Variants in ITPRID1 observed in about 807,000 individuals in gnomAD.
ITPRID1 encodes protein ITPRID1.
A neutral mutation model predicts 95.4 loss-of-function variants in ITPRID1; 96 were observed. The observed-to-expected ratio is 1.01, with a 90% confidence interval of 0.85 to 1.19. ITPRID1 has a LOEUF of 1.19. Among genes scored for constraint, ITPRID1 ranks in the 50% most tolerant of loss-of-function variants. ITPRID1 has a pLI of 0.00. For synonymous variants in ITPRID1, 510 were observed against 453.6 expected (o/e 1.12, Z -1.58); for missense variants, 1,339 against 1,252.9 (o/e 1.07, Z -1.04).
At chr7:31,586,700 T>C (rs1341618833) in intron 10 of ITPRID1, among the ~76,000 whole-genome samples, 1 of 152,172 alleles carries the variant, frequency 6.6e-6, no homozygotes, top group African/African-American at 2.4e-5. Context: ...TGTTTTTTTC[T>C]TGTAAATTTG....
In ITPRID1 at chr7:31,578,319, T is replaced by C. The variant is rs1441288650; in HGVS notation, c.1055T>C (p.Val352Ala). ...MPAKQAPPSC[V>A]SEGSVKGRTQ... is the part of the protein sequence containing the mutation. ...GCCAAGCAGGCTCCTCCTTCCTGTGTGTCTGAGGGGTCAGTCAAGGGCAGA... is the reference window on the plus strand; with the variant it reads ...GCCAAGCAGGCTCCTCCTTCCTGTGCGTCTGAGGGGTCAGTCAAGGGCAGA... The change falls in exon 9 of 15, where the codon GTG (valine) becomes GCG (alanine). Residue 352 changes from valine (V) to alanine (A), a missense_variant. Coordinates refer to ENST00000615280, the MANE Select transcript of ITPRID1 (RefSeq NM_001257967.3). The C allele has an allele frequency of 2.5e-6, 4 of 1,613,880 alleles. No individual in the cohort carries two copies. The highest frequency in any genetic ancestry group is 3.4e-6 in the Non-Finnish European group (4 of 1,179,840).
chr7:31,650,518 C>T (rs1408506829), intron 12 of ITPRID1, among the ~76,000 whole-genome samples: 6 of 152,162 alleles, frequency 3.9e-5, no homozygotes, highest in East Asian at 3.9e-4. Context: ...GGATTAAAAG[C>T]GTAGACAAAG....
chr7:31,565,610 T>C (rs954267106), intron 5 of ITPRID1, among the ~76,000 whole-genome samples: 12 of 152,100 alleles, frequency 7.9e-5, no homozygotes, highest in Non-Finnish European at 1.5e-4. Flanking sequence ...TTGTGGCACA[T>C]GCTTGTAATC....
chr7:31,539,025 T>G (rs1242252244), intron 1 of ITPRID1, among the ~76,000 whole-genome samples: 1 of 152,216 alleles, frequency 6.6e-6, no homozygotes, highest in Non-Finnish European at 1.5e-5. Flanking sequence ...GCTCATTTCT[T>G]TGTCACATTG....
intron 10 of ITPRID1, among the ~76,000 whole-genome samples, chr7:31,592,299 C>G (rs1243578585): frequency 6.6e-6 from 1 of 152,162 alleles, no homozygotes; most frequent in Non-Finnish European, 1.5e-5. Context: ...GTAACTTTAA[C>G]AAATTACTCA....
intron 1 of ITPRID1, among the ~76,000 whole-genome samples, chr7:31,546,304 G>T (rs1281890339): frequency 6.6e-6 from 1 of 152,050 alleles, no homozygotes; most frequent in Non-Finnish European, 1.5e-5. Context: ...GAAGGTAAAA[G>T]AAGGTATTTA....
At chr7:31,578,551 G>C in intron 9 of ITPRID1, 117 bp downstream of exon 9, 1 of 724,820 alleles carries the variant, frequency 1.4e-6, no homozygotes, top group Non-Finnish European at 2.1e-6. Flanking sequence ...TTACTTCTTA[G>C]TGTTCTGAGT....
Position 31,651,324 on chromosome 7 carries a change from G to A in ITPRID1, c.2711+55G>A, listed in dbSNP as rs960526785. The A allele has an allele frequency of 2.5e-6, 4 of 1,588,164 alleles. No homozygotes were observed. The African/African-American group carries it at 5.4e-5, about 22-fold the overall frequency. ...GTACCAGCCCACACACCTGGAGCAAGGAAGATAATCAGGGCAGAACAGAGG... is the reference window on the plus strand; with the variant it reads ...GTACCAGCCCACACACCTGGAGCAAAGAAGATAATCAGGGCAGAACAGAGG... On this transcript the variant is annotated intron_variant, in intron 13 of 14. Coordinates refer to ENST00000615280, the MANE Select transcript of ITPRID1 (RefSeq NM_001257967.3).
At chr7:31,583,401 G>A (rs919580899) in intron 10 of ITPRID1, among the ~76,000 whole-genome samples, 9 of 152,140 alleles carry the variant, frequency 5.9e-5, no homozygotes, top group Non-Finnish European at 7.3e-5. Context: ...TGAGACGTGG[G>A]GATCGCCTGA....
chr7:31,565,869 C>G (rs1258292788), intron 5 of ITPRID1, among the ~76,000 whole-genome samples: 1 of 152,202 alleles, frequency 6.6e-6, no homozygotes, highest in Non-Finnish European at 1.5e-5. Context: ...CTGGGCCCCA[C>G]AGGATGCTAG....
At chr7:31,540,222 T>C (rs1038292084) in intron 1 of ITPRID1, among the ~76,000 whole-genome samples, 1 of 152,098 alleles carries the variant, frequency 6.6e-6, no homozygotes, top group African/African-American at 2.4e-5. Context: ...GAAATGGCCA[T>C]GATCCCTGGG....
In ITPRID1 at chr7:31,553,118, G is replaced by T. The variant is rs1372701132; in HGVS notation, c.94G>T (p.Ala32Ser). 6.2e-7 allele frequency: 1 copy of T among 1,600,766 alleles called. No homozygotes were observed. The highest frequency in any genetic ancestry group is 8.5e-7 in the Non-Finnish European group (1 of 1,173,220). The stretch of plus-strand genomic sequence containing the variant: ...CCTGAAGTGCACCAAAAGCGCGTGG[G>T]CTCCGCTGGATGAGTGGCTGCCCCC... Reference protein sequence around the residue: ...EILKCTKSAWAPLDEWLPPDP... With the variant: ...EILKCTKSAWSPLDEWLPPDP... Residue 32 changes from alanine (A) to serine (S), a missense_variant, in exon 3 of 15, where the codon GCT becomes TCT. Physicochemically the swap from Ala to Ser is moderately conservative, Grantham distance 99. Coordinates refer to ENST00000615280, the MANE Select transcript of ITPRID1 (RefSeq NM_001257967.3).
intron 10 of ITPRID1, among the ~76,000 whole-genome samples, chr7:31,628,633 T>A (rs1464709214): frequency 2.6e-5 from 4 of 151,994 alleles, no homozygotes; most frequent in Non-Finnish European, 4.4e-5. Context: ...AATTTTTGTA[T>A]TTTTAGTAGA....
chr7:31,527,123 C>T (rs1031195973), intron 1 of ITPRID1, among the ~76,000 whole-genome samples: 1 of 152,140 alleles, frequency 6.6e-6, no homozygotes, highest in Non-Finnish European at 1.5e-5. Flanking sequence ...TGCACCTTTG[C>T]ACATGCTGTT....
In ITPRID1 at chr7:31,642,165, T is replaced by G. The variant is rs1401430446; in HGVS notation, c.1229-11T>G. ...CCCTTTAATAACCTCAAGACCTCTT[T>G]CATTCTGCAGGTGCCAGGGTGGACA... On this transcript the variant is annotated splice_polypyrimidine_tract_variant and intron_variant, in intron 10 of 14. Coordinates refer to ENST00000615280, the MANE Select transcript of ITPRID1 (RefSeq NM_001257967.3). The G allele has an allele frequency of 6.4e-6, 10 of 1,552,978 alleles. No individual in the cohort carries two copies. The highest frequency in any genetic ancestry group is 8.7e-6 in the Non-Finnish European group (10 of 1,148,488).
At position 31,643,321 on chromosome 7, in the gene ITPRID1, C is replaced by A; in HGVS notation, c.1951C>A (p.Pro651Thr). 6.2e-7 allele frequency: 1 copy of A among 1,613,954 alleles called. No homozygotes were observed. Among genetic ancestry groups the A allele is most frequent in the African/African-American group, 1.3e-5 (1 of 75,032 alleles). Reference protein sequence around the residue: ...QCIPKHSEITPYATDLAQTSE... With the variant: ...QCIPKHSEITTYATDLAQTSE... ...TATCCCCAAGCACAGTGAAATCACA[C>A]CTTATGCAACTGACCTTGCTCAAAC... is the stretch of plus-strand genomic sequence containing the variant. The change falls in exon 12 of 15, where the codon CCT (proline) becomes ACT (threonine). Residue 651 changes from proline (P) to threonine (T), a missense_variant. Coordinates refer to ENST00000615280, the MANE Select transcript of ITPRID1 (RefSeq NM_001257967.3).
At chr7:31,652,493 C>G (rs1009479114) in intron 14 of ITPRID1, 25 bp from the exon 15 acceptor site, 3 of 1,561,018 alleles carry the variant, frequency 1.9e-6, no homozygotes, top group East Asian at 2.4e-5. Context: ...GCTGTTTACT[C>G]TTTTTCCTCT....
At chr7:31,647,673 C>CAAAA (rs11345351) in intron 12 of ITPRID1, among the ~76,000 whole-genome samples, 24 of 69,326 alleles carry the variant, frequency 3.5e-4, no homozygotes, top group East Asian at 4.8e-4. Context: ...GTCTCCGTCT[C>CAAAA]AAAAAAAAAA....
At chr7:31,613,702 GC>G (rs1262868953) in intron 10 of ITPRID1, among the ~76,000 whole-genome samples, 6 of 152,044 alleles carry the variant, frequency 3.9e-5, no homozygotes, top group Non-Finnish European at 8.8e-5. Context: ...TCTATCTAAA[GC>G]CAAATCCAGT....
Sources: allele counts gnomAD v4.1 joint callset (sites outside exome capture counted in the v4.1 genomes callset), GRCh38; gene constraint gnomAD v4.1.1; transcripts MANE v1.5; gene names NCBI Gene and HGNC (gene_info 2026-07-23, HGNC 2026-07-21).